The following DNAH6 variants were observed in gnomAD, a reference collection of about 807,000 sequenced individuals.
DNAH6 encodes dynein axonemal heavy chain 6.
Under a neutral mutation model 491.4 loss-of-function variants are expected in DNAH6, and 340 were observed. The ratio of observed to expected loss-of-function variants is 0.69; its 90% CI spans 0.63 to 0.76. The LOEUF is 0.76. Ranked by LOEUF, DNAH6 falls within the 30% of genes least tolerant of loss-of-function variation. The pLI, the probability that DNAH6 is intolerant of heterozygous loss-of-function variation, is 0.00. For synonymous variants in DNAH6, 1,603 were observed against 1,686.1 expected (o/e 0.95, Z 1.21); for missense variants, 4,443 against 4,972.2 (o/e 0.89, Z 3.20).
In DNAH6 at chr2:84,688,484, A is replaced by G. The variant is rs1694511198; in HGVS notation, c.7183A>G (p.Ile2395Val). 6.5e-7 allele frequency: 1 copy of G among 1,539,748 alleles called. No homozygotes were observed. Among genetic ancestry groups the G allele is most frequent in the South Asian group, 1.2e-5 (1 of 80,698 alleles). The change falls in exon 45 of 77, where the codon ATA (isoleucine) becomes GTA (valine). Residue 2395 changes from isoleucine to valine, a missense_variant. Around this residue, in one of 3 missense-constraint regions of DNAH6, gnomAD observed 2,977 missense variants for 3,296.6 expected, o/e 0.90. Transcript: ENST00000389394. ...TCGGATTTATGATGACATGCCTGAT[A>G]TAGAGAAAACTGCAAATGTTCTACA... ...ADRIYDDMPD[I>V]EKTANVLQDY...
At chr2:84,555,144 A>G (rs1679889425) in intron 10 of DNAH6, among the ~76,000 whole-genome samples, 1 of 152,232 alleles carries the variant, frequency 6.6e-6, no homozygotes, top group African/African-American at 2.4e-5. Flanking sequence ...ATCATTCCCA[A>G]TGATTCCAAG....
In DNAH6 at chr2:84,619,748, C is replaced by T. The variant is rs1403961143; in HGVS notation, c.3636C>T (p.Ala1212=). 6.4e-6 allele frequency: 10 copies of T among 1,551,512 alleles called. No homozygotes were observed. The highest frequency in any genetic ancestry group is 2.4e-5 in the South Asian group (2 of 84,056). ...TGGCCCAGACACGAAATCCACAGGC[C>T]GTGCAGCCACACTTAAGGAAATGCT... ...EILAQTRNPQ[A]VQPHLRKCFD... Residue 1212 remains alanine (A), a synonymous_variant, in exon 24 of 77, where the codon GCC becomes GCT. Coordinates refer to ENST00000389394, the MANE Select transcript of DNAH6 (RefSeq NM_001370.2).
chr2:84,621,370 C>T lies in DNAH6; in HGVS notation c.3957+15C>T, dbSNP rs1687378455. 6.4e-7 allele frequency: 1 copy of T among 1,550,528 alleles called. No individual in the cohort carries two copies. The highest frequency in any genetic ancestry group is 2.0e-5 in the Admixed American group (1 of 50,992). The stretch of plus-strand genomic sequence containing the variant: ...ACCCTTCTCAAGTAACTCACACTCA[C>T]ATTTCATATCCCTGAATTCTTATTT... On this transcript the variant is annotated intron_variant, in intron 25 of 76. Transcript: ENST00000389394.
chr2:84,472,548 T>C, the DNAH6 span, among the ~76,000 whole-genome samples: 3 of 152,196 alleles, frequency 2.0e-5, no homozygotes, highest in Non-Finnish European at 4.4e-5. Context: ...CCGAGGGAAT[T>C]TGGAGATAAA....
chr2:84,748,800 T>C (rs913666338), intron 63 of DNAH6, among the ~76,000 whole-genome samples: 2 of 152,208 alleles, frequency 1.3e-5, no homozygotes, highest in South Asian at 4.1e-4. Context: ...TATTTAGAAA[T>C]ACCTGAGGCT....
chr2:84,707,325 G>C (rs1265643892), intron 53 of DNAH6, among the ~76,000 whole-genome samples, 195 bp from the exon 54 acceptor site: 1 of 152,184 alleles, frequency 6.6e-6, no homozygotes, highest in South Asian at 2.1e-4. Flanking sequence ...AAGAGTTTTC[G>C]ATAAGGAAAA....
At chr2:84,562,488 G>A (rs1680779707) in intron 11 of DNAH6, among the ~76,000 whole-genome samples, 2 of 152,174 alleles carry the variant, frequency 1.3e-5, no homozygotes, top group African/African-American at 2.4e-5. Context: ...CAATGTTGTA[G>A]GGGCAAAGGT....
chr2:84,539,022 A>T (rs1249438508), intron 4 of DNAH6, among the ~76,000 whole-genome samples: 1 of 152,114 alleles, frequency 6.6e-6, no homozygotes, highest in Non-Finnish European at 1.5e-5. Context: ...TAAGGAACAG[A>T]TCATTTTGAA....
chr2:84,525,550 C>G lies in DNAH6; in HGVS notation c.226-15C>G. ...AATGTTAATAAAAATTAACATGTCT[C>G]TCTATTTCCCAAAGCCAGTGCTAAA... On this transcript the variant is annotated splice_polypyrimidine_tract_variant and intron_variant, in intron 2 of 76. Transcript: ENST00000389394. The G allele has an allele frequency of 6.5e-7, 1 of 1,532,348 alleles. No homozygotes were observed. Among genetic ancestry groups the G allele is most frequent in the Non-Finnish European group, 8.8e-7 (1 of 1,141,628 alleles). The allele number at this position is 1,532,348 out of a possible 1,614,324, so 94.9% of individuals were successfully genotyped here.
intron 54 of DNAH6, among the ~76,000 whole-genome samples, chr2:84,708,275 TAA>T (rs761577094): frequency 7.0e-6 from 1 of 143,358 alleles, no homozygotes. Context: ...TCGTCTCTAC[TAA>T]AAAAAAAAAA....
intron 62 of DNAH6, among the ~76,000 whole-genome samples, chr2:84,734,393 GCCTC>G (rs1286527128): frequency 6.6e-6 from 1 of 151,938 alleles, no homozygotes; most frequent in African/African-American, 2.4e-5. Context: ...GCCTGCCTCG[GCCTC>G]CCAAAGTGCT....
At chr2:84,601,071 G>GTATAAT (rs1558778972) in intron 18 of DNAH6, among the ~76,000 whole-genome samples, 5 of 132,672 alleles carry the variant, frequency 3.8e-5, no homozygotes, top group African/African-American at 1.5e-4. Context: ...ATACTATAAG[G>GTATAAT]AATCCTTGTA....
intron 29 of DNAH6, among the ~76,000 whole-genome samples, chr2:84,625,902 T>A (rs1159726052): frequency 1.3e-5 from 2 of 152,238 alleles, no homozygotes; most frequent in Non-Finnish European, 2.9e-5. Context: ...GGAATTTTTT[T>A]AAATAACTTT....
rs140918408 is a variant in DNAH6, at chr2:84,607,912, A to G, written c.3294+817A>G. ...AAATCTTTGTAGCATGCAATATTTT[A>G]TAGCATTTTCCCCATGACAGAACTT... On this transcript the variant is annotated intron_variant, in intron 21 of 76. Coordinates refer to ENST00000389394, the MANE Select transcript of DNAH6 (RefSeq NM_001370.2). Among the ~76,000 whole-genome samples the G allele has an allele frequency of 2.1e-3, 323 of 152,308 alleles. 1 individual carries two copies. Among genetic ancestry groups the G allele is most frequent in the Non-Finnish European group, 3.9e-3 (267 of 68,022 alleles).
At chr2:84,686,418 T>G in intron 43 of DNAH6, 66 bp from the exon 44 acceptor site, 1 of 921,218 alleles carries the variant, frequency 1.1e-6, no homozygotes, top group Non-Finnish European at 1.7e-6. Flanking sequence ...TCTATATGTT[T>G]TATCACTAAA....
At chr2:84,629,635 C>A (rs1688205852) in intron 29 of DNAH6, among the ~76,000 whole-genome samples, 1 of 152,202 alleles carries the variant, frequency 6.6e-6, no homozygotes, top group East Asian at 1.9e-4. Flanking sequence ...ATACTGATTT[C>A]TTCTCTCAGT....
chr2:84,553,345 C>CTTTCA (rs1679601324), intron 10 of DNAH6, among the ~76,000 whole-genome samples: 1 of 101,966 alleles, frequency 9.8e-6, no homozygotes, highest in African/African-American at 4.0e-5. Flanking sequence ...ATACCTTTTC[C>CTTTCA]TTTCTTTTCT....
chr2:84,642,212 G>C (rs1014912640), intron 33 of DNAH6, among the ~76,000 whole-genome samples, 158 bp downstream of exon 33: 2 of 152,116 alleles, frequency 1.3e-5, no homozygotes, highest in Non-Finnish European at 1.5e-5. Flanking sequence ...TTAAAATGAA[G>C]ATACTAAAGT....
intron 11 of DNAH6, among the ~76,000 whole-genome samples, chr2:84,572,066 G>A (rs1236501268): frequency 2.0e-5 from 3 of 152,158 alleles, no homozygotes; most frequent in South Asian, 2.1e-4. Context: ...GTATGAGGTC[G>A]GTAATTAGAT....
Sources: allele counts gnomAD v4.1 joint callset (sites outside exome capture counted in the v4.1 genomes callset), GRCh38; gene constraint gnomAD v4.1.1; regional missense constraint gnomAD v4.1.1; transcripts MANE v1.5; gene names NCBI Gene and HGNC (gene_info 2026-07-23, HGNC 2026-07-21).